CCSER1: variants seen among roughly 807,000 people sequenced by gnomAD.
CCSER1 encodes serine-rich coiled-coil domain-containing protein 1.
CCSER1 carries 41 observed loss-of-function variants against 82.0 expected under a neutral mutation model. That is an observed-to-expected ratio of 0.50 (90% CI 0.39 to 0.65). The LOEUF is 0.65. Ranked by LOEUF, CCSER1 falls within the 30% of genes least tolerant of loss-of-function variation. CCSER1 has a pLI of 0.00. For missense variants in CCSER1, 1,119 were observed against 1,064.2 expected (o/e 1.05, Z -0.72); for synonymous variants, 414 against 383.9 (o/e 1.08, Z -0.92).
chr4:90,189,882 G>T (rs1368945629), intron 1 of CCSER1, among the ~76,000 whole-genome samples: 1 of 151,910 alleles, frequency 6.6e-6, no homozygotes, highest in African/African-American at 2.4e-5. Context: ...TATGAGTTTT[G>T]TTGTTTACTA....
At chr4:91,154,738 G>C (rs1271010013) in intron 10 of CCSER1, among the ~76,000 whole-genome samples, 1 of 151,866 alleles carries the variant, frequency 6.6e-6, no homozygotes, top group Non-Finnish European at 1.5e-5. Flanking sequence ...ATGAATACTG[G>C]ATAATGATAA....
chr4:90,368,531 G>C (rs1746705643), intron 3 of CCSER1, among the ~76,000 whole-genome samples: 1 of 151,700 alleles, frequency 6.6e-6, no homozygotes, highest in African/African-American at 2.4e-5. Context: ...TCCTGGGGTG[G>C]CTGACGCAGG....
At chr4:90,936,085 G>A (rs1288658046) in intron 9 of CCSER1, among the ~76,000 whole-genome samples, 1 of 151,886 alleles carries the variant, frequency 6.6e-6, no homozygotes, top group Non-Finnish European at 1.5e-5. Flanking sequence ...GAAATTATTT[G>A]CGCAATGTAT....
intron 6 of CCSER1, among the ~76,000 whole-genome samples, chr4:90,631,727 C>A (rs147302272): frequency 5.1e-4 from 78 of 152,274 alleles, no homozygotes; most frequent in African/African-American, 1.8e-3. Context: ...CATCCCTAAT[C>A]TGAAAATCCA....
intron 4 of CCSER1, among the ~76,000 whole-genome samples, chr4:90,408,409 C>A (rs573391271): frequency 6.6e-6 from 1 of 152,288 alleles, no homozygotes; most frequent in South Asian, 2.1e-4. Flanking sequence ...ACACCTCACA[C>A]GGCCGGATAC....
chr4:90,917,054 T>TA (rs761741059), intron 8 of CCSER1, among the ~76,000 whole-genome samples: 20 of 152,200 alleles, frequency 1.3e-4, no homozygotes, highest in Non-Finnish European at 2.2e-4. Flanking sequence ...AGAACACTTT[T>TA]ACACTGTTGG....
chr4:90,508,168 A>G (rs937614261), intron 5 of CCSER1, among the ~76,000 whole-genome samples: 2 of 152,044 alleles, frequency 1.3e-5, no homozygotes, highest in Non-Finnish European at 2.9e-5. Flanking sequence ...GATTTTGGAA[A>G]AATTGTACTG....
At chr4:91,539,585 C>A (rs902771885) in intron 10 of CCSER1, among the ~76,000 whole-genome samples, 1 of 151,972 alleles carries the variant, frequency 6.6e-6, no homozygotes, top group Admixed American at 6.6e-5. Flanking sequence ...TAGTGGTTTC[C>A]TAAATCAGCA....
chr4:91,445,987 T>C (rs1368343832), intron 10 of CCSER1, among the ~76,000 whole-genome samples: 1 of 152,140 alleles, frequency 6.6e-6, no homozygotes, highest in Non-Finnish European at 1.5e-5. Context: ...ACTATTATTT[T>C]TGAAGTGCTT....
chr4:90,627,832 C>T (rs745386119), intron 5 of CCSER1, among the ~76,000 whole-genome samples, 193 bp from the exon 6 acceptor site: 8 of 151,812 alleles, frequency 5.3e-5, no homozygotes, highest in Non-Finnish European at 8.8e-5. Context: ...TACAAGATCA[C>T]GCCACTGCAC....
At chr4:91,250,276 G>C (rs1225470756) in intron 10 of CCSER1, among the ~76,000 whole-genome samples, 1 of 151,546 alleles carries the variant, frequency 6.6e-6, no homozygotes, top group Non-Finnish European at 1.5e-5. Flanking sequence ...TTGGATTTCT[G>C]TTTCTTAAAG....
intron 1 of CCSER1, among the ~76,000 whole-genome samples, chr4:90,140,296 T>C (rs1429080495): frequency 6.6e-6 from 1 of 152,206 alleles, no homozygotes; most frequent in Non-Finnish European, 1.5e-5. Flanking sequence ...CGCAATCATC[T>C]GAATCATTTG....
chr4:90,391,476 A>ATATATG (rs1751083110), intron 3 of CCSER1, among the ~76,000 whole-genome samples: 2 of 95,024 alleles, frequency 2.1e-5, no homozygotes, highest in Admixed American at 1.0e-4. Context: ...ATATATATAT[A>ATATATG]TATATATATA....
At chr4:91,082,928 T>G (rs967807415) in intron 9 of CCSER1, among the ~76,000 whole-genome samples, 38 of 152,300 alleles carry the variant, frequency 2.5e-4, no homozygotes, top group African/African-American at 8.7e-4. Flanking sequence ...CTGGAGAGGA[T>G]GTGGAGAAAT....
intron 10 of CCSER1, among the ~76,000 whole-genome samples, chr4:91,460,754 G>A (rs1756457396): frequency 6.6e-6 from 1 of 152,056 alleles, no homozygotes; most frequent in Non-Finnish European, 1.5e-5. Flanking sequence ...TATTGTGAGT[G>A]GCCTTACACT....
intron 10 of CCSER1, among the ~76,000 whole-genome samples, chr4:91,367,797 A>T (rs1749743253): frequency 6.6e-6 from 1 of 151,908 alleles, no homozygotes; most frequent in Non-Finnish European, 1.5e-5. Context: ...CAGCCATCCC[A>T]TCTGTTTTTT....
At chr4:90,336,504 G>A (rs1740424391) in intron 3 of CCSER1, among the ~76,000 whole-genome samples, 1 of 152,110 alleles carries the variant, frequency 6.6e-6, no homozygotes, top group South Asian at 2.1e-4. Context: ...GACTTAATTT[G>A]AAGTGACTGG....
intron 5 of CCSER1, among the ~76,000 whole-genome samples, chr4:90,501,269 C>G (rs1441882630): frequency 1.3e-5 from 2 of 152,078 alleles, no homozygotes; most frequent in African/African-American, 2.4e-5. Context: ...AGAATGTTGG[C>G]TAAGTAGCTA....
intron 1 of CCSER1, among the ~76,000 whole-genome samples, chr4:90,246,202 A>G (rs1224766492): frequency 6.6e-6 from 1 of 152,054 alleles, no homozygotes; most frequent in East Asian, 1.9e-4. Flanking sequence ...CTTAAAAATA[A>G]TGTGTATGTG....
Sources: allele counts gnomAD v4.1 joint callset (sites outside exome capture counted in the v4.1 genomes callset), GRCh38; gene constraint gnomAD v4.1.1; transcripts MANE v1.5; gene names NCBI Gene and HGNC (gene_info 2026-07-23, HGNC 2026-07-21).